The following TGFB1 variants were observed in gnomAD, a reference collection of about 807,000 sequenced individuals.
TGFB1 encodes transforming growth factor beta-1 proprotein.
Under a neutral mutation model 43.8 loss-of-function variants are expected in TGFB1, and 19 were observed. The ratio of observed to expected loss-of-function variants is 0.43; its 90% confidence interval spans 0.30 to 0.64. TGFB1 has a LOEUF of 0.64. Ranked by LOEUF, TGFB1 falls within the 30% of genes least tolerant of loss-of-function variation. The pLI, the probability that TGFB1 is intolerant of heterozygous loss-of-function variation, is 0.11. For synonymous variants in TGFB1, 221 were observed against 236.3 expected, an observed-to-expected ratio of 0.94 and a Z score of 0.60; for missense variants, 445 against 529.8, an observed-to-expected ratio of 0.84 and a Z score of 1.57.
In TGFB1 at chr19:41,339,125, A is replaced by ATTT. The variant is rs35169655; in HGVS notation, c.860+2755_860+2757dup. Among the ~76,000 whole-genome samples, 984 of 140,720 alleles carry ATTT rather than the reference A, an allele frequency of 7.0e-3. 16 individuals carry two copies. Among genetic ancestry groups the ATTT allele is most frequent in the African/African-American group, 0.024 (894 of 38,014 alleles). The allele number at this position is 140,720 out of a possible 152,430, so 92.3% of individuals were successfully genotyped here. ...ACAGTCCTGATCAGATTCAGGTTTG[A>ATTT]TTTTTTTTTTTTTTTCCTGAGACAA... On this transcript the variant is annotated intron_variant, in intron 5 of 6. Transcript: ENST00000221930.
rs13306709 is a variant in TGFB1 at position 41,332,382 on chromosome 19, C to T, written c.861-101G>A. The T allele has an allele frequency of 8.4e-4, 1,178 of 1,396,456 alleles. 17 individuals are homozygous for T. The East Asian group carries it at 0.017, about 20-fold the overall frequency. The allele number at this position is 1,396,456 out of a possible 1,614,324, so 86.5% of individuals were successfully genotyped here. A position where few individuals can be genotyped will look rare whatever the true frequency, so the allele number is the denominator to read the frequency against. On this transcript the variant is annotated intron_variant, in intron 5 of 6. Coordinates refer to ENST00000221930, the MANE Select transcript of TGFB1 (RefSeq NM_000660.7). ...GCGTGTGTCACCCTAGGTTGCCCCC[C>T]CAGCCCTATCTCCATCTGGGTCTCC... is the stretch of plus-strand genomic sequence containing the variant.
intron 1 of TGFB1, among the ~76,000 whole-genome samples, chr19:41,350,084 G>T (rs2038166491): frequency 6.6e-6 from 1 of 151,916 alleles, no homozygotes; most frequent in South Asian, 2.1e-4. Context: ...GGGCTCAAGG[G>T]ATCCTCACGC....
At chr19:41,335,536 T>C (rs1272723297) in intron 5 of TGFB1, among the ~76,000 whole-genome samples, 1 of 152,160 alleles carries the variant, frequency 6.6e-6, no homozygotes, top group Non-Finnish European at 1.5e-5. Flanking sequence ...GCCACTGAAA[T>C]CAGAAATTGT....
intron 1 of TGFB1, among the ~76,000 whole-genome samples, chr19:41,349,111 G>A (rs2038152629): frequency 6.6e-6 from 1 of 152,170 alleles, no homozygotes; most frequent in Non-Finnish European, 1.5e-5. Context: ...AAATGCAAGA[G>A]CCCCTAAAAT....
chr19:41,336,386 C>CT (rs60810325), intron 5 of TGFB1, among the ~76,000 whole-genome samples: 217 of 134,554 alleles, frequency 1.6e-3, no homozygotes, highest in East Asian at 2.6e-3. Context: ...TCCACTATCT[C>CT]TTTTTTTTTT....
intron 5 of TGFB1, among the ~76,000 whole-genome samples, chr19:41,340,251 C>CTTTTTTTT (rs3061188): frequency 8.8e-5 from 11 of 125,200 alleles, no homozygotes; most frequent in African/African-American, 1.6e-4. Context: ...CACTTTCTTT[C>CTTTTTTTT]TTTTTTTTTT....
intron 5 of TGFB1, among the ~76,000 whole-genome samples, chr19:41,336,499 C>T (rs1032870328): frequency 7.9e-5 from 12 of 151,894 alleles, no homozygotes; most frequent in African/African-American, 2.9e-4. Context: ...CAACCTCCCA[C>T]CTCAGCCTCC....
intron 3 of TGFB1, among the ~76,000 whole-genome samples, chr19:41,343,563 G>A (rs772197329): frequency 1.7e-4 from 26 of 152,002 alleles, no homozygotes; most frequent in Non-Finnish European, 3.1e-4. Context: ...GCTCCCAACA[G>A]CACTTAGGGC....
At chr19:41,348,230 C>T (rs1227900156) in intron 2 of TGFB1, 65 bp downstream of exon 2, 3 of 1,597,658 alleles carry the variant, frequency 1.9e-6, no homozygotes, top group Admixed American at 1.7e-5. Context: ...CCACAGCCAC[C>T]CCCTTGGTCA....
rs1599882457 is a variant in TGFB1, at chr19:41,332,236, G to A, written c.906C>T (p.Phe302=). 1 of 1,614,174 alleles carries A rather than the reference G, an allele frequency of 6.2e-7. No homozygotes were observed. The highest frequency in any genetic ancestry group is 8.5e-7 in the Non-Finnish European group (1 of 1,180,024). ...NCCVRQLYID[F]RKDLGWKWIH... Reference sequence around the variant, plus strand: ...TCCACTTCCAGCCGAGGTCCTTGCGGAAGTCAATGTACAGCTGCCGCACGC... The same window carrying A: ...TCCACTTCCAGCCGAGGTCCTTGCGAAAGTCAATGTACAGCTGCCGCACGC... Residue 302 remains phenylalanine (F), a synonymous_variant, in exon 6 of 7, where the codon TTC becomes TTT. Coordinates refer to ENST00000221930, the MANE Select transcript of TGFB1 (RefSeq NM_000660.7).
chr19:41,341,534 G>GT lies in TGFB1; in HGVS notation c.860+348dup, dbSNP rs926303534. 1.9e-4 allele frequency among the ~76,000 whole-genome samples: 24 copies of GT among 126,560 alleles called. No individual in the cohort carries two copies. The East Asian group carries it at 2.9e-3, about 15-fold the overall frequency. 83.0% of individuals were successfully genotyped at this position (126,560 alleles called of 152,430 possible). A position where few individuals can be genotyped will look rare whatever the true frequency, so the allele number is the denominator to read the frequency against. ...TTACAAGACTCCCAGTTCTTTTTTTGTTTTTTGTGGCTGGGATTATAGGCG... is the reference window on the plus strand; with the variant it reads ...TTACAAGACTCCCAGTTCTTTTTTTGTTTTTTTGTGGCTGGGATTATAGGCG... On this transcript the variant is annotated intron_variant, in intron 5 of 6. Transcript: ENST00000221930.
chr19:41,338,049 G>GGGCAT (rs2038007881), intron 5 of TGFB1, among the ~76,000 whole-genome samples: 1 of 151,500 alleles, frequency 6.6e-6, no homozygotes, highest in Non-Finnish European at 1.5e-5. Context: ...AAAATTACCC[G>GGGCAT]GGTGCGATGG....
intron 1 of TGFB1, among the ~76,000 whole-genome samples, chr19:41,351,937 G>A (rs536836498): frequency 1.4e-3 from 216 of 152,044 alleles, no homozygotes; most frequent in Non-Finnish European, 2.4e-3. Context: ...TTCCTCCGCT[G>A]GGCTCCCCAC....
intron 2 of TGFB1, among the ~76,000 whole-genome samples, chr19:41,346,159 T>G (rs534418666): frequency 6.6e-6 from 1 of 152,040 alleles, no homozygotes; most frequent in African/African-American, 2.4e-5. Flanking sequence ...GAGACCAGCC[T>G]GACCAATATG....
At chr19:41,344,635 C>A in intron 3 of TGFB1, 112 bp downstream of exon 3, 1 of 965,928 alleles carries the variant, frequency 1.0e-6, no homozygotes, top group Non-Finnish European at 1.7e-6. Context: ...CAGGTCTCAG[C>A]ACTTTCACAC....
chr19:41,331,936 C>A, intron 6 of TGFB1, 192 bp downstream of exon 6: 1 of 705,836 alleles, frequency 1.4e-6, no homozygotes, highest in Non-Finnish European at 2.3e-6. Flanking sequence ...CTCCCTCTGG[C>A]CCCTGCTCAG....
chr19:41,343,144 T>TC (rs991240266), intron 3 of TGFB1, among the ~76,000 whole-genome samples: 1 of 151,194 alleles, frequency 6.6e-6, no homozygotes, highest in Non-Finnish European at 1.5e-5. Context: ...CTTTTCTTTT[T>TC]TTTTTTTGAG....
intron 5 of TGFB1, among the ~76,000 whole-genome samples, chr19:41,341,394 G>A (rs1374204027): frequency 1.4e-5 from 2 of 147,754 alleles, no homozygotes. Flanking sequence ...GTGAACCCGG[G>A]AGGTGGAGCT....
chr19:41,340,571 G>A (rs573937043), intron 5 of TGFB1, among the ~76,000 whole-genome samples: 40 of 152,204 alleles, frequency 2.6e-4, no homozygotes, highest in Non-Finnish European at 3.8e-4. Flanking sequence ...GTGAGCCACC[G>A]CGCCCAGCCT....
Sources: allele counts gnomAD v4.1 joint callset (sites outside exome capture counted in the v4.1 genomes callset), GRCh38; gene constraint gnomAD v4.1.1; transcripts MANE v1.5; gene names NCBI Gene and HGNC (gene_info 2026-07-23, HGNC 2026-07-21).